The following FMN2 variants were observed in gnomAD, a reference collection of about 807,000 sequenced individuals.
The protein encoded by FMN2 is formin 2, also known as formin-2.
A neutral mutation model predicts 142.3 loss-of-function variants in FMN2; 51 were observed. The ratio of observed to expected loss-of-function variants is 0.36; its 90% CI spans 0.29 to 0.45. The LOEUF (loss-of-function observed/expected upper bound fraction) is 0.45, where lower values mean the gene tolerates loss of function less well. FMN2 is among the 20% of genes least tolerant of loss of function. The pLI, the probability that FMN2 is intolerant of heterozygous loss-of-function variation, is 1.00. For synonymous variants in FMN2, 882 were observed against 869.8 expected (o/e 1.01, Z -0.25); for missense variants, 1,936 against 2,122.8 (o/e 0.91, Z 1.73).
At chr1:240,306,886 T>A (rs1378790209) in intron 8 of FMN2, among the ~76,000 whole-genome samples, 2 of 152,240 alleles carry the variant, frequency 1.3e-5, no homozygotes, top group African/African-American at 2.4e-5. Context: ...AGCATTTCCT[T>A]GTCTTCACAA....
At chr1:240,422,262 C>A (rs904386354) in intron 15 of FMN2, among the ~76,000 whole-genome samples, 1 of 152,098 alleles carries the variant, frequency 6.6e-6, no homozygotes, top group African/African-American at 2.4e-5. Flanking sequence ...ATTTTAGAAT[C>A]AATTGTTGAT....
intron 7 of FMN2, among the ~76,000 whole-genome samples, chr1:240,265,963 G>A (rs1486293951): frequency 7.1e-6 from 1 of 141,658 alleles, no homozygotes; most frequent in African/African-American, 2.6e-5. Context: ...CAGACTCTGT[G>A]ATAAGTCTTT....
At chr1:240,157,842 T>A (rs1364607059) in intron 2 of FMN2, among the ~76,000 whole-genome samples, 1 of 151,860 alleles carries the variant, frequency 6.6e-6, no homozygotes, top group Non-Finnish European at 1.5e-5. Context: ...TATAAATATA[T>A]ATCACTGAAA....
intron 2 of FMN2, among the ~76,000 whole-genome samples, chr1:240,134,732 T>G (rs1421151576): frequency 1.3e-5 from 2 of 152,056 alleles, no homozygotes; most frequent in Non-Finnish European, 2.9e-5. Context: ...TGGAATTAAT[T>G]TATTAGTCTG....
intron 15 of FMN2, among the ~76,000 whole-genome samples, chr1:240,398,031 T>G (rs2103105928): frequency 6.6e-6 from 1 of 151,502 alleles, no homozygotes; most frequent in African/African-American, 2.4e-5. Flanking sequence ...AATCTTGCTC[T>G]GTCACCCAGA....
At chr1:240,386,136 A>G (rs1311456421) in intron 14 of FMN2, among the ~76,000 whole-genome samples, 2 of 152,176 alleles carry the variant, frequency 1.3e-5, no homozygotes, top group Admixed American at 6.5e-5. Flanking sequence ...TGTGACATGT[A>G]TGAACTACTT....
intron 2 of FMN2, chr1:240,170,633 T>C (rs1038408435): frequency 1.1e-5 from 18 of 1,576,868 alleles, no homozygotes; most frequent in African/African-American, 6.7e-5. Context: ...GTGGCTGATA[T>C]CTCTGTTGCT....
rs562505885 is a variant in FMN2, at chr1:240,358,559, C to T, written c.4858+2651C>T. ...TCACACTTCAGCACGTCTGGGGAGG[C>T]CTCAGGAAACTTACAATCATGGCAG... On this transcript the variant is annotated intron_variant, in intron 14 of 17. Coordinates refer to ENST00000319653, the MANE Select transcript of FMN2 (RefSeq NM_020066.5). 3.3e-5 allele frequency among the ~76,000 whole-genome samples: 5 copies of T among 152,222 alleles called. No homozygotes were observed. In the South Asian group the frequency reaches 6.2e-4, roughly 19 times the overall value.
At position 240,327,839 on chromosome 1, in the gene FMN2, C is replaced by A. The variant is rs550364967; in HGVS notation, c.4216-1237C>A. ...CTTAAGAAGAAAATAAGCATGGAGT[C>A]ATTTTTGTATCAAAAAGAAAATCCA... On this transcript the variant is annotated intron_variant, in intron 8 of 17. Transcript: ENST00000319653. Among the ~76,000 whole-genome samples, 14 of 152,222 alleles carry A rather than the reference C, an allele frequency of 9.2e-5. No homozygotes were observed. The South Asian group carries it at 1.9e-3, about 20-fold the overall frequency.
chr1:240,459,070 G>A (rs1034495664), intron 16 of FMN2: 8 of 152,122 alleles, frequency 5.3e-5, no homozygotes, highest in South Asian at 2.1e-4. Flanking sequence ...GTGATTAGAA[G>A]CTTTAAAATC....
intron 6 of FMN2, among the ~76,000 whole-genome samples, chr1:240,256,769 A>G (rs1668463797): frequency 6.6e-6 from 1 of 151,558 alleles, no homozygotes; most frequent in Non-Finnish European, 1.5e-5. Flanking sequence ...CAAACAAACA[A>G]CGACAACAAA....
At chr1:240,265,136 G>A (rs887583675) in intron 7 of FMN2, among the ~76,000 whole-genome samples, 1 of 152,148 alleles carries the variant, frequency 6.6e-6, no homozygotes, top group South Asian at 2.1e-4. Context: ...CTGGCAAACA[G>A]GCATACTACT....
intron 2 of FMN2, among the ~76,000 whole-genome samples, chr1:240,138,598 T>A (rs776618921): frequency 3.7e-4 from 56 of 152,148 alleles, no homozygotes; most frequent in Non-Finnish European, 6.0e-4. Context: ...TCCCAGCTAC[T>A]TGGGAGGCTG....
At chr1:240,437,565 G>A (rs914618541) in intron 15 of FMN2, among the ~76,000 whole-genome samples, 7 of 152,236 alleles carry the variant, frequency 4.6e-5, no homozygotes, top group African/African-American at 7.2e-5. Flanking sequence ...GCCTCCCAAA[G>A]TGCTGGGATT....
At chr1:240,355,948 CAGCAAAAAAAAAAAAAAA>C (rs1558449476) in intron 14 of FMN2, 40 bp downstream of exon 14, 1 of 159,166 alleles carries the variant, frequency 6.3e-6, no homozygotes, top group Non-Finnish European at 1.1e-5. Context: ...TCTCCCCTTT[CAGCAAAAAAAAAAAAAAA>C]AAAAAAAAAA....
intron 15 of FMN2, among the ~76,000 whole-genome samples, chr1:240,399,372 C>A (rs1045755189): frequency 2.0e-5 from 3 of 152,100 alleles, no homozygotes; most frequent in African/African-American, 7.2e-5. Flanking sequence ...TTTAACATGT[C>A]TAGAAATTGT....
At position 240,392,521 on chromosome 1, in the gene FMN2, C is replaced by G; in HGVS notation, c.4869C>G (p.Asp1623Glu). 1.9e-6 allele frequency: 3 copies of G among 1,609,546 alleles called. No homozygotes were observed. The highest frequency in any genetic ancestry group is 2.7e-5 in the African/African-American group (2 of 74,898). Residue 1623 changes from aspartate (D) to glutamate (E), a missense_variant, in exon 15 of 18, where the codon GAC becomes GAG. Physicochemically the swap from Asp to Glu is conservative, Grantham distance 45. Around this residue, in one of 8 missense-constraint regions of FMN2, gnomAD observed 322 missense variants for 401.6 expected, o/e 0.80. Transcript: ENST00000319653. ...TTCTTGCACTTTCAGCCAAAATTGA[C>G]CAAGAGGCAGAGGAAAATTCACTGA... ...MEQFIIQAKIDQEAEENSLTE... is the reference protein window; with the variant it reads ...MEQFIIQAKIEQEAEENSLTE...
intron 7 of FMN2, among the ~76,000 whole-genome samples, chr1:240,290,797 T>TTTG: frequency 7.1e-6 from 1 of 140,658 alleles, no homozygotes; most frequent in Non-Finnish European, 1.5e-5. Flanking sequence ...TTTTTTGTTT[T>TTTG]TTTTTTTTTT....
intron 1 of FMN2, among the ~76,000 whole-genome samples, chr1:240,103,967 C>T (rs1661506327): frequency 6.6e-6 from 1 of 151,876 alleles, no homozygotes; most frequent in East Asian, 1.9e-4. Flanking sequence ...AGCTCCGCCT[C>T]CCAGGTTCAC....
Sources: allele counts gnomAD v4.1 joint callset (sites outside exome capture counted in the v4.1 genomes callset), GRCh38; gene constraint gnomAD v4.1.1; regional missense constraint gnomAD v4.1.1; transcripts MANE v1.5; gene names NCBI Gene and HGNC (gene_info 2026-07-23, HGNC 2026-07-21).